Variants in GLRB observed in about 807,000 individuals in gnomAD.
GLRB encodes glycine receptor subunit beta.
GLRB carries 33 observed loss-of-function variants against 54.2 expected under a neutral mutation model. That is an observed-to-expected ratio of 0.61 (90% CI 0.46 to 0.81). The LOEUF (loss-of-function observed/expected upper bound fraction) is 0.81. Ranked by LOEUF, GLRB falls within the 40% of genes least tolerant of loss-of-function variation. GLRB has a pLI of 0.00. For missense variants in GLRB, 572 were observed against 584.6 expected (o/e 0.98, Z 0.22); for synonymous variants, 209 against 208.2 (o/e 1.00, Z -0.03).
At chr4:157,078,930 G>A (rs1317266210) in intron 2 of GLRB, among the ~76,000 whole-genome samples, 4 of 152,116 alleles carry the variant, frequency 2.6e-5, no homozygotes, top group East Asian at 1.9e-4. Context: ...CCACCACCAC[G>A]CCCAGCTAAT....
intron 2 of GLRB, among the ~76,000 whole-genome samples, chr4:157,095,328 TA>T (rs1734769149): frequency 6.6e-6 from 1 of 151,930 alleles, no homozygotes; most frequent in Admixed American, 6.6e-5. Flanking sequence ...AAAAGGTTTT[TA>T]TTTACTGAGA....
At chr4:157,138,664 T>C in intron 6 of GLRB, 145 bp from the exon 7 acceptor site, 1 of 588,488 alleles carries the variant, frequency 1.7e-6, no homozygotes, top group Non-Finnish European at 3.0e-6. Context: ...CCATGGGTTT[T>C]ACCTCTTTAC....
intron 8 of GLRB, among the ~76,000 whole-genome samples, chr4:157,149,118 TTAAA>T (rs1271003108): frequency 1.3e-5 from 2 of 152,120 alleles, no homozygotes; most frequent in East Asian, 1.9e-4. Context: ...TCCCAAAGGA[TTAAA>T]TAAATAAGTT....
At chr4:157,116,762 G>A (rs949768936) in intron 2 of GLRB, among the ~76,000 whole-genome samples, 2 of 151,632 alleles carry the variant, frequency 1.3e-5, no homozygotes, top group Admixed American at 6.6e-5. Flanking sequence ...CTGAGTTCAT[G>A]CATATGAATA....
At chr4:157,116,929 T>C (rs1252475391) in intron 2 of GLRB, among the ~76,000 whole-genome samples, 3 of 151,718 alleles carry the variant, frequency 2.0e-5, no homozygotes, top group Admixed American at 2.0e-4. Flanking sequence ...AGGGGCCATA[T>C]GATATTTGGT....
intron 8 of GLRB, among the ~76,000 whole-genome samples, chr4:157,146,990 G>A (rs1736836481): frequency 6.6e-6 from 1 of 152,168 alleles, no homozygotes; most frequent in African/African-American, 2.4e-5. Context: ...TAGCCGAGAT[G>A]GGCAAAGGTG....
At chr4:157,114,387 G>A (rs1276084865) in intron 2 of GLRB, among the ~76,000 whole-genome samples, 1 of 150,560 alleles carries the variant, frequency 6.6e-6, no homozygotes, top group Non-Finnish European at 1.5e-5. Flanking sequence ...TAGCTTTATA[G>A]AGTTATAGAA....
Position 157,120,677 on chromosome 4 carries a change from TATA to T in GLRB, c.229+17_229+19del, listed in dbSNP as rs1360599347. ...AAACTTCAAAGGTTTGTCTCCCCCATATAAATGTTCATTTTTATTGTTTAAAAA... is the reference window on the plus strand; with the variant it reads ...AAACTTCAAAGGTTTGTCTCCCCCATAATGTTCATTTTTATTGTTTAAAAA... On this transcript the variant is annotated intron_variant, in intron 3 of 9. Transcript: ENST00000264428. 3 of 1,167,232 alleles carry T rather than the reference TATA, an allele frequency of 2.6e-6. No individual in the cohort carries two copies. Among genetic ancestry groups the T allele is most frequent in the African/African-American group, 3.0e-5 (2 of 65,940 alleles). The allele number at this position is 1,167,232 out of a possible 1,614,324, so 72.3% of individuals were successfully genotyped here. A position where few individuals can be genotyped will look rare whatever the true frequency, so the allele number is the denominator to read the frequency against.
chr4:157,148,083 C>T lies in GLRB; in HGVS notation c.904+4124C>T, dbSNP rs1736883753. ...GGAGGTAGATGGGTAGATATTTAAA[C>T]AGTTGTGTGGGCTACCTCCTCTTAT... On this transcript the variant is annotated intron_variant, in intron 8 of 9. Coordinates refer to ENST00000264428, the MANE Select transcript of GLRB (RefSeq NM_000824.5). Among the ~76,000 whole-genome samples, 4 of 152,202 alleles carry T rather than the reference C, an allele frequency of 2.6e-5. No individual in the cohort carries two copies. In the South Asian group the frequency reaches 6.2e-4, roughly 24 times the overall value.
intron 9 of GLRB, among the ~76,000 whole-genome samples, chr4:157,167,797 G>T (rs768124700): frequency 2.6e-5 from 4 of 152,116 alleles, no homozygotes; most frequent in Non-Finnish European, 5.9e-5. Context: ...TAGAAGCATG[G>T]CATCAGAATC....
chr4:157,138,733 G>A (rs1458748630), intron 6 of GLRB, 76 bp from the exon 7 acceptor site: 1 of 790,028 alleles, frequency 1.3e-6, no homozygotes, highest in Non-Finnish European at 2.1e-6. Context: ...CTATGTTTAA[G>A]ATTTGAATTA....
intron 2 of GLRB, among the ~76,000 whole-genome samples, chr4:157,082,144 G>A (rs557406449): frequency 2.6e-5 from 4 of 152,000 alleles, no homozygotes; most frequent in Admixed American, 6.6e-5. Flanking sequence ...TATACAGCCC[G>A]TACCTCTTTG....
chr4:157,094,285 T>A (rs1734725465), intron 2 of GLRB, among the ~76,000 whole-genome samples: 1 of 152,236 alleles, frequency 6.6e-6, no homozygotes, highest in African/African-American at 2.4e-5. Flanking sequence ...TCAAACTGCA[T>A]GTAAGTAGAA....
At chr4:157,117,514 C>A (rs1055184636) in intron 2 of GLRB, among the ~76,000 whole-genome samples, 1 of 151,596 alleles carries the variant, frequency 6.6e-6, no homozygotes, top group Non-Finnish European at 1.5e-5. Flanking sequence ...ATATTCATTC[C>A]GCACCAGACT....
intron 2 of GLRB, among the ~76,000 whole-genome samples, chr4:157,104,598 C>G (rs1417243866): frequency 6.6e-6 from 1 of 151,338 alleles, no homozygotes; most frequent in South Asian, 2.1e-4. Flanking sequence ...GTGTTTCTTT[C>G]TCTTTAATTT....
intron 9 of GLRB, among the ~76,000 whole-genome samples, chr4:157,166,306 G>A (rs1300918285): frequency 1.3e-5 from 2 of 152,030 alleles, no homozygotes; most frequent in South Asian, 2.1e-4. Context: ...TTTTAAGAAT[G>A]TGTGTTAAGT....
At chr4:157,113,605 G>T (rs1472251159) in intron 2 of GLRB, among the ~76,000 whole-genome samples, 2 of 151,894 alleles carry the variant, frequency 1.3e-5, no homozygotes. Context: ...TCTACTTTAT[G>T]CAAAATATTT....
intron 2 of GLRB, among the ~76,000 whole-genome samples, chr4:157,101,099 C>T (rs913140116): frequency 3.9e-5 from 6 of 152,026 alleles, no homozygotes; most frequent in African/African-American, 1.4e-4. Flanking sequence ...AATTTCAACA[C>T]TTGAAAATTT....
chr4:157,138,734 A>T, intron 6 of GLRB, 75 bp from the exon 7 acceptor site: 1 of 792,918 alleles, frequency 1.3e-6, no homozygotes, highest in Non-Finnish European at 2.1e-6. Context: ...TATGTTTAAG[A>T]TTTGAATTAT....
Sources: allele counts gnomAD v4.1 joint callset (sites outside exome capture counted in the v4.1 genomes callset), GRCh38; gene constraint gnomAD v4.1.1; transcripts MANE v1.5; gene names NCBI Gene and HGNC (gene_info 2026-07-23, HGNC 2026-07-21).